The following SYNE1 variants were observed in gnomAD, a reference collection of about 807,000 sequenced individuals.
The protein encoded by SYNE1 is spectrin repeat containing nuclear envelope protein 1.
A neutral mutation model predicts 1,111.0 loss-of-function variants in SYNE1; 616 were observed. That is an observed-to-expected ratio of 0.55 (90% CI 0.52 to 0.59). The LOEUF is 0.59. Ranked by LOEUF, SYNE1 falls within the 20% of genes least tolerant of loss-of-function variation. The probability of loss-of-function intolerance (pLI) is 0.00; values close to 1 mark genes in which losing one functional copy is unlikely to be tolerated. For synonymous variants in SYNE1, 3,855 were observed against 3,825.8 expected (o/e 1.01, Z -0.28); for missense variants, 10,006 against 10,417.0 (o/e 0.96, Z 1.72).
At chr6:152,630,892 T>G (rs890419537) in intron 2 of SYNE1, among the ~76,000 whole-genome samples, 4 of 152,250 alleles carry the variant, frequency 2.6e-5, no homozygotes, top group Non-Finnish European at 4.4e-5. Flanking sequence ...TCTGAAATAC[T>G]GTGCATGCCC....
At chr6:152,612,098 A>G (rs149314421) in intron 3 of SYNE1, among the ~76,000 whole-genome samples, 11,808 of 151,144 alleles carry the variant, frequency 0.078, 780 homozygotes, top group African/African-American at 0.17. Context: ...TAGAGAAACA[A>G]GAGCAAATAA....
chr6:152,613,358 GACAA>G (rs1341317730), intron 3 of SYNE1, among the ~76,000 whole-genome samples: 3 of 152,106 alleles, frequency 2.0e-5, no homozygotes, highest in Admixed American at 6.5e-5. Flanking sequence ...ACCAACAACA[GACAA>G]ACAGAGAGCC....
At chr6:152,154,803 G>T in intron 133 of SYNE1, 89 bp downstream of exon 133, 1 of 1,449,052 alleles carries the variant, frequency 6.9e-7, no homozygotes, top group Non-Finnish European at 9.7e-7. Context: ...AACATGTGGT[G>T]AACAGCTAGT....
At chr6:152,626,412 G>A (rs1270892363) in intron 3 of SYNE1, among the ~76,000 whole-genome samples, 1 of 152,144 alleles carries the variant, frequency 6.6e-6, no homozygotes, top group Non-Finnish European at 1.5e-5. Context: ...CATAGATGAT[G>A]TCATTGAGGC....
chr6:152,556,895 C>A (rs2099366991), intron 3 of SYNE1, among the ~76,000 whole-genome samples: 1 of 152,086 alleles, frequency 6.6e-6, no homozygotes, highest in Admixed American at 6.6e-5. Context: ...CCACAACAAA[C>A]CAAATATCAG....
At chr6:152,509,435 T>G (rs1377906232) in intron 8 of SYNE1, among the ~76,000 whole-genome samples, 1 of 151,920 alleles carries the variant, frequency 6.6e-6, no homozygotes, top group East Asian at 1.9e-4. Flanking sequence ...TTTTGTACTT[T>G]TAGTAGAGAT....
intron 130 of SYNE1, among the ~76,000 whole-genome samples, chr6:152,172,514 C>T (rs1586834853): frequency 6.6e-6 from 1 of 152,104 alleles, no homozygotes; most frequent in Admixed American, 6.5e-5. Flanking sequence ...CAACAGAGTG[C>T]GCAAGTTGAA....
chr6:152,522,850 G>C (rs1459268871), intron 5 of SYNE1, among the ~76,000 whole-genome samples: 1 of 151,596 alleles, frequency 6.6e-6, no homozygotes, highest in Non-Finnish European at 1.5e-5. Context: ...TTTGTATCTT[G>C]TTTTGAGAAA....
chr6:152,331,299 C>G lies in SYNE1; in HGVS notation c.13386G>C (p.Val4462=). The change falls in exon 78 of 146, where the codon GTG becomes GTC. Residue 4462 remains valine, a synonymous_variant. Coordinates refer to ENST00000367255, the MANE Select transcript of SYNE1 (RefSeq NM_182961.4). ...LSEKTQFLMA[V]FQATSQIQQH... ...GCTGAATTTGGCTGGTGGCCTGGAA[C>G]ACTGCCATGAGAAACTGGGTTTTCT... 6.2e-7 allele frequency: 1 copy of G among 1,614,150 alleles called. No homozygotes were observed. The highest frequency in any genetic ancestry group is 8.5e-7 in the Non-Finnish European group (1 of 1,180,030).
At chr6:152,293,175 C>T (rs560141900) in intron 95 of SYNE1, among the ~76,000 whole-genome samples, 1 of 152,262 alleles carries the variant, frequency 6.6e-6, no homozygotes, top group African/African-American at 2.4e-5. Flanking sequence ...TGGAGGGGCA[C>T]CCCCTGGCTA....
intron 131 of SYNE1, among the ~76,000 whole-genome samples, chr6:152,162,588 G>A (rs2348262): frequency 0.3 from 46,324 of 151,998 alleles, 7,604 homozygotes; most frequent in South Asian, 0.46. Context: ...TGCCAACCAG[G>A]ATCCCTACAA....
intron 121 of SYNE1, among the ~76,000 whole-genome samples, chr6:152,215,584 C>T (rs984156591): frequency 2.0e-4 from 31 of 152,254 alleles, no homozygotes; most frequent in African/African-American, 7.0e-4. Flanking sequence ...TTACCATTTA[C>T]GTTTAATTTG....
chr6:152,164,475 G>T, intron 130 of SYNE1, 150 bp from the exon 131 acceptor site: 1 of 923,134 alleles, frequency 1.1e-6, no homozygotes, highest in Non-Finnish European at 1.6e-6. Context: ...GACAAAGGAG[G>T]ATAGAAATTA....
At chr6:152,537,465 A>G (rs1333519341) in intron 4 of SYNE1, among the ~76,000 whole-genome samples, 1 of 152,020 alleles carries the variant, frequency 6.6e-6, no homozygotes, top group Admixed American at 6.6e-5. Context: ...TAACAAATGT[A>G]AAAAAGAAAA....
At chr6:152,202,346 C>CAAAAAAAAAAAAAAAAAAAAAAAAAAA in intron 126 of SYNE1, among the ~76,000 whole-genome samples, 1 of 48,042 alleles carries the variant, frequency 2.1e-5, no homozygotes, top group Non-Finnish European at 3.9e-5. Flanking sequence ...GACTCTGTCT[C>CAAAAAAAAAAAAAAAAAAAAAAAAAAA]AAAAAAAAAA....
At chr6:152,556,596 A>G (rs983830551) in intron 3 of SYNE1, among the ~76,000 whole-genome samples, 1 of 152,190 alleles carries the variant, frequency 6.6e-6, no homozygotes, top group African/African-American at 2.4e-5. Flanking sequence ...CCACAGACCC[A>G]GTCTCCAGGC....
intron 78 of SYNE1, among the ~76,000 whole-genome samples, chr6:152,328,380 T>TTTTATTTTATTTTA (rs374503996): frequency 1.7e-4 from 23 of 137,554 alleles, no homozygotes; most frequent in Non-Finnish European, 2.4e-4. Context: ...TCTTATTTTA[T>TTTTATTTTATTTTA]TTTATTTATT....
At position 152,321,350 on chromosome 6, in the gene SYNE1, T is replaced by A. The variant is rs1371238099; in HGVS notation, c.16124A>T (p.Glu5375Val). 3 of 1,613,814 alleles carry A rather than the reference T, an allele frequency of 1.9e-6. No individual in the cohort carries two copies. The Admixed American group carries it at 5.0e-5, about 27-fold the overall frequency. The change falls in exon 84 of 146, where the codon GAA becomes GTA. Residue 5375 changes from glutamate to valine, a missense_variant. By Grantham distance (121) the Glu-to-Val change is moderately radical. Around this residue, in one of 7 missense-constraint regions of SYNE1, gnomAD observed 4,955 missense variants for 5,017.2 expected, o/e 0.99. Coordinates refer to ENST00000367255, the MANE Select transcript of SYNE1 (RefSeq NM_182961.4). ...CTCCTTCTGTTCTTCTGCCATTTTT[T>A]CAATGTTCTGTCGGTGATTTGTGGC... ...TEATNHRQNI[E>V]KMAEEQKEKY...
chr6:152,416,254 C>T, intron 41 of SYNE1, 133 bp downstream of exon 41: 2 of 1,283,596 alleles, frequency 1.6e-6, no homozygotes, highest in South Asian at 2.5e-5. Context: ...TAATTTCTTT[C>T]TTTTGGCAGA....
Sources: allele counts gnomAD v4.1 joint callset (sites outside exome capture counted in the v4.1 genomes callset), GRCh38; gene constraint gnomAD v4.1.1; regional missense constraint gnomAD v4.1.1; transcripts MANE v1.5; gene names NCBI Gene and HGNC (gene_info 2026-07-23, HGNC 2026-07-21).